Variants in MTCL3 observed in about 807,000 individuals in gnomAD.
MTCL3 encodes the protein microtubule cross-linking factor 3.
the MTCL3 span, among the ~76,000 whole-genome samples, chr6:127,497,614 A>C: frequency 2.0e-5 from 3 of 152,298 alleles, no homozygotes; most frequent in African/African-American, 7.2e-5. Flanking sequence ...TATCATCAGT[A>C]ATTGAGCTGG....
At chr6:127,485,112 C>A in the MTCL3 span, among the ~76,000 whole-genome samples, 1 of 152,158 alleles carries the variant, frequency 6.6e-6, no homozygotes, top group Non-Finnish European at 1.5e-5. Context: ...CAGACCTTGA[C>A]CCAAGTCTTT....
At chr6:127,515,783 T>G in the MTCL3 span, 1 of 1,607,234 alleles carries the variant, frequency 6.2e-7, no homozygotes, top group South Asian at 1.1e-5. This position sits in a 1 kb window ranked among gnomAD's most constrained non-coding sequence, Gnocchi z 4.3. Flanking sequence ...TTAGCGTGCA[T>G]CTGAGCCGCG....
At chr6:127,475,336 G>T in the MTCL3 span, 1 of 1,612,826 alleles carries the variant, frequency 6.2e-7, no homozygotes, top group Middle Eastern at 1.7e-4. The surrounding 1 kb of genome is among the most constrained non-coding windows in gnomAD (Gnocchi z 7.3). Context: ...GTCGTCCGCA[G>T]ACTTGGGCAC....
At chr6:127,485,384 G>T in the MTCL3 span, among the ~76,000 whole-genome samples, 87 of 152,160 alleles carry the variant, frequency 5.7e-4, 3 homozygotes, top group South Asian at 0.017. Context: ...CATGAGATTT[G>T]CTGGTGGCAT....
chr6:127,505,873 C>A, the MTCL3 span, among the ~76,000 whole-genome samples: 1 of 152,038 alleles, frequency 6.6e-6, no homozygotes, highest in Non-Finnish European at 1.5e-5. Context: ...TAGCTGTTAA[C>A]TGACTATATG....
At chr6:127,503,635 C>G in the MTCL3 span, among the ~76,000 whole-genome samples, 1 of 152,280 alleles carries the variant, frequency 6.6e-6, no homozygotes, top group South Asian at 2.1e-4. Flanking sequence ...GTCCCCATTC[C>G]CTTTCTCAAG....
At chr6:127,500,455 G>C in the MTCL3 span, among the ~76,000 whole-genome samples, 1 of 152,174 alleles carries the variant, frequency 6.6e-6, no homozygotes, top group African/African-American at 2.4e-5. Context: ...TTAAAACTAT[G>C]ATCTCAGAAT....
At chr6:127,515,876 C>T in the MTCL3 span, 4 of 1,611,938 alleles carry the variant, frequency 2.5e-6, no homozygotes, top group African/African-American at 5.3e-5. This position sits in a 1 kb window ranked among gnomAD's most constrained non-coding sequence, Gnocchi z 4.3. Context: ...CAGTAGCTCC[C>T]TCCACCACCG....
chr6:127,513,085 A>G, the MTCL3 span: 1 of 1,543,732 alleles, frequency 6.5e-7, no homozygotes, highest in Admixed American at 1.9e-5. Flanking sequence ...AAATATAATT[A>G]ATGACAATAT....
At chr6:127,487,216 A>G in the MTCL3 span, among the ~76,000 whole-genome samples, 1 of 152,330 alleles carries the variant, frequency 6.6e-6, no homozygotes, top group East Asian at 1.9e-4. Context: ...CAACTACATT[A>G]TACTGTTACT....
the MTCL3 span, among the ~76,000 whole-genome samples, chr6:127,498,345 A>T: frequency 6.6e-5 from 10 of 152,202 alleles, no homozygotes; most frequent in Non-Finnish European, 1.5e-4. Context: ...AAAGATACTC[A>T]ACATCATTAG....
the MTCL3 span, among the ~76,000 whole-genome samples, chr6:127,476,811 TATAAA>T: frequency 6.6e-6 from 1 of 152,248 alleles, no homozygotes; most frequent in South Asian, 2.1e-4. This position sits in a 1 kb window ranked among gnomAD's most constrained non-coding sequence, Gnocchi z 4.4. Flanking sequence ...CAGTAATAAA[TATAAA>T]ATCTGTTCAA....
At chr6:127,512,502 A>G in the MTCL3 span, among the ~76,000 whole-genome samples, 1 of 152,188 alleles carries the variant, frequency 6.6e-6, no homozygotes, top group Non-Finnish European at 1.5e-5. Context: ...CTAAAAATTC[A>G]TGGTTCTATG....
At chr6:127,475,997 G>A in the MTCL3 span, 1 of 1,610,726 alleles carries the variant, frequency 6.2e-7, no homozygotes, top group Non-Finnish European at 8.5e-7. The surrounding 1 kb of genome is among the most constrained non-coding windows in gnomAD (Gnocchi z 7.3). Flanking sequence ...TACTTGTTGA[G>A]CTCCGCCGTG....
the MTCL3 span, chr6:127,515,117 C>A: frequency 6.7e-6 from 9 of 1,344,960 alleles, no homozygotes; most frequent in Non-Finnish European, 8.5e-6. This position sits in a 1 kb window ranked among gnomAD's most constrained non-coding sequence, Gnocchi z 4.3. Flanking sequence ...ACCGTACACA[C>A]CCCATTCCAA....
At chr6:127,475,567 G>A in the MTCL3 span, 1 of 1,609,250 alleles carries the variant, frequency 6.2e-7, no homozygotes, top group South Asian at 1.1e-5. This position sits in a 1 kb window ranked among gnomAD's most constrained non-coding sequence, Gnocchi z 7.3. Context: ...CTCGGCCTCC[G>A]AGCGGATGTC....
At chr6:127,516,914 C>G in the MTCL3 span, among the ~76,000 whole-genome samples, 1 of 152,052 alleles carries the variant, frequency 6.6e-6, no homozygotes, top group African/African-American at 2.4e-5. Flanking sequence ...AGCAAAATGA[C>G]GGATCTGAAA....
the MTCL3 span, among the ~76,000 whole-genome samples, chr6:127,504,676 G>A: frequency 6.6e-6 from 1 of 152,088 alleles, no homozygotes; most frequent in Non-Finnish European, 1.5e-5. Context: ...GGTTAATTGA[G>A]GTCTTTTCTG....
chr6:127,482,861 A>T, the MTCL3 span: 49 of 1,337,752 alleles, frequency 3.7e-5, no homozygotes, highest in African/African-American at 5.5e-4. This position sits in a 1 kb window ranked among gnomAD's most constrained non-coding sequence, Gnocchi z 4.1. Flanking sequence ...GTTTGTGATT[A>T]TATACACTTA....
Sources: allele counts gnomAD v4.1 joint callset (sites outside exome capture counted in the v4.1 genomes callset), GRCh38; gene constraint gnomAD v4.1.1; non-coding constraint Gnocchi (gnomAD v3.1); transcripts MANE v1.5; gene names NCBI Gene and HGNC (gene_info 2026-07-23, HGNC 2026-07-21).